The following TMEM131L variants were observed in gnomAD, a reference collection of about 807,000 sequenced individuals.
The protein encoded by TMEM131L is transmembrane protein 131-like.
TMEM131L carries 54 observed loss-of-function variants against 192.2 expected under a neutral mutation model. The observed-to-expected ratio is 0.28, with a 90% CI of 0.23 to 0.35. The LOEUF is 0.35. Among genes scored for constraint, TMEM131L ranks in the 10% least tolerant of loss-of-function variants. The probability of loss-of-function intolerance (pLI) is 1.00; values close to 1 mark genes in which losing one functional copy is unlikely to be tolerated. For synonymous variants in TMEM131L, 701 were observed against 704.9 expected, an observed-to-expected ratio of 0.99 and a Z score of 0.09; for missense variants, 1,888 against 1,972.9, an observed-to-expected ratio of 0.96 and a Z score of 0.82.
At chr4:153,538,138 C>G (rs1057328702) in intron 3 of TMEM131L, among the ~76,000 whole-genome samples, 1 of 152,180 alleles carries the variant, frequency 6.6e-6, no homozygotes, top group Non-Finnish European at 1.5e-5. Context: ...CCCTTGCCTT[C>G]CCTGAAATGT....
At chr4:153,560,052 C>G (rs945806268) in intron 7 of TMEM131L, among the ~76,000 whole-genome samples, 7 of 152,122 alleles carry the variant, frequency 4.6e-5, no homozygotes, top group African/African-American at 1.7e-4. Flanking sequence ...TTCATCCTTC[C>G]TTTTTCAACT....
At chr4:153,635,657 T>G in intron 34 of TMEM131L, 86 bp downstream of exon 34, 3 of 1,492,888 alleles carry the variant, frequency 2.0e-6, no homozygotes, top group South Asian at 1.2e-5. Context: ...TCAGCTAGCT[T>G]TAGCGTTGGG....
At chr4:153,608,758 G>A (rs931051406) in intron 25 of TMEM131L, among the ~76,000 whole-genome samples, 21 of 152,226 alleles carry the variant, frequency 1.4e-4, no homozygotes, top group Admixed American at 1.3e-3. Flanking sequence ...CCACGTGATT[G>A]TGATTAGATT....
At chr4:153,593,193 A>G (rs1731191352) in intron 18 of TMEM131L, among the ~76,000 whole-genome samples, 1 of 152,164 alleles carries the variant, frequency 6.6e-6, no homozygotes, top group Non-Finnish European at 1.5e-5. Flanking sequence ...TTTTCACACA[A>G]TCACAGTTTT....
chr4:153,560,981 G>C (rs928998701), intron 7 of TMEM131L, among the ~76,000 whole-genome samples: 1 of 152,158 alleles, frequency 6.6e-6, no homozygotes, highest in Non-Finnish European at 1.5e-5. Flanking sequence ...TAAAGTGGTT[G>C]CATCATTTTA....
intron 3 of TMEM131L, among the ~76,000 whole-genome samples, chr4:153,476,522 C>A (rs1731549949): frequency 6.6e-6 from 1 of 151,862 alleles, no homozygotes. Context: ...ACAGTGAAAC[C>A]CCCTCTCTAC....
chr4:153,572,797 T>G (rs77192545), intron 7 of TMEM131L, among the ~76,000 whole-genome samples: 2,147 of 152,276 alleles, frequency 0.014, 35 homozygotes, highest in African/African-American at 0.046. Context: ...AGTCATCACC[T>G]CCATCCATCT....
At chr4:153,599,227 CT>C (rs769685648) in intron 21 of TMEM131L, among the ~76,000 whole-genome samples, 17 of 152,314 alleles carry the variant, frequency 1.1e-4, no homozygotes, top group Non-Finnish European at 2.1e-4. Context: ...GTGTCACACA[CT>C]TTTAAACAAC....
At chr4:153,612,964 G>T (rs917683031) in intron 26 of TMEM131L, among the ~76,000 whole-genome samples, 2 of 152,144 alleles carry the variant, frequency 1.3e-5, no homozygotes, top group Non-Finnish European at 2.9e-5. Flanking sequence ...AAAGAGTTGT[G>T]CATAGACAGA....
At chr4:153,522,242 G>C (rs1221155492) in intron 3 of TMEM131L, among the ~76,000 whole-genome samples, 1 of 152,174 alleles carries the variant, frequency 6.6e-6, no homozygotes, top group Admixed American at 6.6e-5. Flanking sequence ...TCTCACCTTT[G>C]AAGCTTGAGC....
At chr4:153,565,533 T>C (rs1160395537) in intron 7 of TMEM131L, among the ~76,000 whole-genome samples, 3 of 152,260 alleles carry the variant, frequency 2.0e-5, no homozygotes, top group African/African-American at 7.2e-5. Context: ...GGGCACATTT[T>C]GGTCCTTGGC....
chr4:153,467,423 C>T (rs973991520), intron 2 of TMEM131L, 142 bp downstream of exon 2: 2 of 713,298 alleles, frequency 2.8e-6, no homozygotes, highest in Non-Finnish European at 4.7e-6. Flanking sequence ...GGGGCCGAGC[C>T]TGAACACCTG....
intron 7 of TMEM131L, among the ~76,000 whole-genome samples, chr4:153,575,534 T>C (rs544065080): frequency 7.3e-4 from 111 of 152,290 alleles, no homozygotes; most frequent in Admixed American, 1.3e-3. Context: ...TTTTCTGTTT[T>C]TCTACTACCT....
At chr4:153,493,744 C>T (rs1164132728) in intron 3 of TMEM131L, among the ~76,000 whole-genome samples, 1 of 152,106 alleles carries the variant, frequency 6.6e-6, no homozygotes, top group Admixed American at 6.6e-5. Flanking sequence ...TGGTGAGTTG[C>T]CAAACCTCTC....
intron 25 of TMEM131L, among the ~76,000 whole-genome samples, chr4:153,608,112 C>T (rs565212711): frequency 6.6e-6 from 1 of 151,992 alleles, no homozygotes; most frequent in East Asian, 1.9e-4. Context: ...TGAGTGAGAC[C>T]CTGTCTCAAA....
intron 14 of TMEM131L, among the ~76,000 whole-genome samples, chr4:153,587,488 T>G (rs1730774643): frequency 6.6e-6 from 1 of 152,194 alleles, no homozygotes. Context: ...GATGGCAGTT[T>G]GGTGTCTTGT....
At position 153,587,869 on chromosome 4, in the gene TMEM131L, T is replaced by G; in HGVS notation, c.1552+58T>G. ...CTCTAGTTTGGGGGATGGGAAATAG[T>G]GAGGAAAATTAGCATTTGTCAATGG... On this transcript the variant is annotated intron_variant, in intron 15 of 34. Coordinates refer to ENST00000409959, the MANE Select transcript of TMEM131L (RefSeq NM_001131007.2). 2.6e-6 allele frequency: 3 copies of G among 1,167,220 alleles called. No individual in the cohort carries two copies. The South Asian group carries it at 3.7e-5, about 14-fold the overall frequency. 72.3% of individuals were successfully genotyped at this position (1,167,220 alleles called of 1,614,324 possible).
chr4:153,604,444 C>A lies in TMEM131L; in HGVS notation c.3418+14C>A. ...GGAAAAATAATGGTAATCTTTTCAT[C>A]CCCTTTGATAATTCTCTCCTGTTTG... On this transcript the variant is annotated intron_variant, in intron 25 of 34. Transcript: ENST00000409959. The A allele has an allele frequency of 2.5e-6, 4 of 1,585,120 alleles. No individual in the cohort carries two copies. The highest frequency in any genetic ancestry group is 1.2e-5 in the South Asian group (1 of 86,058).
chr4:153,622,414 C>T (rs1021711424), intron 28 of TMEM131L, among the ~76,000 whole-genome samples: 13 of 152,212 alleles, frequency 8.5e-5, no homozygotes, highest in Non-Finnish European at 1.5e-5. Context: ...CACAGGCCAG[C>T]ACACTTAGCT....
Sources: gnomAD v4.1 joint callset for allele counts (sites outside exome capture counted in the v4.1 genomes callset) on GRCh38, gnomAD v4.1.1 for gene constraint, MANE v1.5 for transcripts, NCBI Gene and HGNC (gene_info 2026-07-23, HGNC 2026-07-21) for gene names.